MUC13: variants seen among roughly 807,000 people sequenced by gnomAD.
MUC13 encodes the protein mucin 13, cell surface associated.
MUC13 carries 32 observed loss-of-function variants against 48.3 expected under a neutral mutation model. The observed-to-expected ratio is 0.66, with a 90% CI of 0.50 to 0.89. The LOEUF (loss-of-function observed/expected upper bound fraction) is 0.89. Ranked by LOEUF, MUC13 falls within the 40% of genes least tolerant of loss-of-function variation. The probability of loss-of-function intolerance (pLI) is 0.00; values close to 1 mark genes in which losing one functional copy is unlikely to be tolerated. For missense variants in MUC13, 571 were observed against 622.8 expected (o/e 0.92, Z 0.88); for synonymous variants, 199 against 224.9 (o/e 0.88, Z 1.03).
At chr3:124,908,561 A>G (rs1475580769) in intron 10 of MUC13, among the ~76,000 whole-genome samples, 1 of 152,210 alleles carries the variant, frequency 6.6e-6, no homozygotes, top group Non-Finnish European at 1.5e-5. Flanking sequence ...AAGTTGCATA[A>G]CCAAAGAACA....
At chr3:124,924,346 T>C (rs1365889709) in intron 2 of MUC13, among the ~76,000 whole-genome samples, 1 of 152,222 alleles carries the variant, frequency 6.6e-6, no homozygotes, top group Non-Finnish European at 1.5e-5. Context: ...TTTCTTTCTC[T>C]GGGGAACTGA....
chr3:124,909,709 A>G (rs939939687), intron 10 of MUC13, among the ~76,000 whole-genome samples: 1 of 152,072 alleles, frequency 6.6e-6, no homozygotes. Flanking sequence ...AAAAAACAAC[A>G]ACCCAGGGGG....
At chr3:124,921,266 C>T (rs1935589667) in intron 4 of MUC13, among the ~76,000 whole-genome samples, 1 of 152,046 alleles carries the variant, frequency 6.6e-6, no homozygotes, top group South Asian at 2.1e-4. Context: ...TCTCCTGCCT[C>T]AGCCTCCTGA....
intron 1 of MUC13, among the ~76,000 whole-genome samples, chr3:124,931,130 G>A (rs1935787003): frequency 6.6e-6 from 1 of 152,154 alleles, no homozygotes; most frequent in Non-Finnish European, 1.5e-5. Flanking sequence ...ACATTAAAAA[G>A]CAACTTTTTA....
Position 124,931,764 on chromosome 3 carries a change from G to A in MUC13, c.52+2897C>T, listed in dbSNP as rs187891492. On this transcript the variant is annotated intron_variant, in intron 1 of 11. Coordinates refer to ENST00000616727, the MANE Select transcript of MUC13 (RefSeq NM_033049.4). ...ACTCCATCTCAAAAAGTAATATAAGGCCAGGCGCGGTGGCTCACGCCTGTA... is the reference window on the plus strand; with the variant it reads ...ACTCCATCTCAAAAAGTAATATAAGACCAGGCGCGGTGGCTCACGCCTGTA... 2.1e-5 allele frequency among the ~76,000 whole-genome samples: 3 copies of A among 144,932 alleles called. No homozygotes were observed. The East Asian group carries it at 6.3e-4, about 30-fold the overall frequency.
rs1470032302 is a variant in MUC13 at position 124,916,422 on chromosome 3, T to C, written c.859A>G (p.Ile287Val). 1 of 1,613,890 alleles carries C rather than the reference T, an allele frequency of 6.2e-7. No individual in the cohort carries two copies. Among genetic ancestry groups the C allele is most frequent in the African/African-American group, 1.3e-5 (1 of 75,062 alleles). The change falls in exon 6 of 12, where the codon ATA (isoleucine) becomes GTA (valine). Residue 287 changes from isoleucine (I) to valine (V), a missense_variant. Transcript: ENST00000616727. ...RADDKFVNVT[I>V]VTILAETTSD... ...GTGGTTTCTGCCAAAATTGTTACTA[T>C]TGTTACATTAACAAACTTGTCATCA...
chr3:124,921,609 G>A (rs991308836), intron 4 of MUC13, among the ~76,000 whole-genome samples: 1 of 152,150 alleles, frequency 6.6e-6, no homozygotes, highest in African/African-American at 2.4e-5. Context: ...GCTCACATGT[G>A]TGCACTTGCT....
intron 4 of MUC13, among the ~76,000 whole-genome samples, chr3:124,920,977 C>T (rs564125676): frequency 9.2e-5 from 14 of 152,332 alleles, no homozygotes; most frequent in Non-Finnish European, 4.4e-5. Flanking sequence ...AGCGTTGTCA[C>T]GTACTGGCTG....
At chr3:124,917,162 C>T (rs766116841) in intron 5 of MUC13, among the ~76,000 whole-genome samples, 138 of 152,142 alleles carry the variant, frequency 9.1e-4, no homozygotes, top group Non-Finnish European at 2.6e-4. Context: ...CACTGCAGTT[C>T]GGAGCCCTAA....
At chr3:124,931,418 G>A (rs1414420990) in intron 1 of MUC13, among the ~76,000 whole-genome samples, 11 of 132,298 alleles carry the variant, frequency 8.3e-5, no homozygotes, top group African/African-American at 2.6e-4. Context: ...GCAACAGAGC[G>A]AGACTCTGTC....
intron 11 of MUC13, 124 bp downstream of exon 11, chr3:124,908,023 T>G: frequency 3.3e-6 from 3 of 910,098 alleles, no homozygotes; most frequent in Non-Finnish European, 4.9e-6. Context: ...TCTCTCTCTT[T>G]CAATTAAGAA....
intron 10 of MUC13, 136 bp from the exon 11 acceptor site, chr3:124,908,484 T>C: frequency 1.3e-6 from 1 of 743,856 alleles, no homozygotes; most frequent in Non-Finnish European, 2.1e-6. Flanking sequence ...ATACATATAT[T>C]ACGGCGTTCT....
chr3:124,910,455 CAA>C lies in MUC13; in HGVS notation c.1295_1296del (p.Ile432SerfsTer17), dbSNP rs775036466. ...AATGCAATTATCATGCTGAGAATGA[CAA>C]TGCCAGCGATGGTGCCCACAATAGT... ...ILTIVGTIAG[I>X]VILSMIIALI... On this transcript the variant is annotated frameshift_variant, in exon 10 of 12. Transcript: ENST00000616727. LOFTEE classifies it high-confidence loss of function. 1.2e-6 allele frequency: 2 copies of C among 1,614,068 alleles called. No individual in the cohort carries two copies. Among genetic ancestry groups the C allele is most frequent in the Non-Finnish European group, 8.5e-7 (1 of 1,179,972 alleles).
chr3:124,918,943 C>T (rs1935548872), intron 5 of MUC13, among the ~76,000 whole-genome samples: 1 of 152,222 alleles, frequency 6.6e-6, no homozygotes, highest in African/African-American at 2.4e-5. Context: ...ACTTGCCCTT[C>T]ATTCAAGACC....
chr3:124,910,464 C>T lies in MUC13; in HGVS notation c.1288G>A (p.Ala430Thr), dbSNP rs142060793. The T allele has an allele frequency of 1.2e-5, 20 of 1,613,954 alleles. No homozygotes were observed. The Admixed American group carries it at 1.5e-4, about 12-fold the overall frequency. ...ATCATGCTGAGAATGACAATGCCAG[C>T]GATGGTGCCCACAATAGTGAGGATC... ...QLILTIVGTI[A>T]GIVILSMIIA... The change falls in exon 10 of 12, where the codon GCT becomes ACT. Residue 430 changes from alanine (A) to threonine (T), a missense_variant. Coordinates refer to ENST00000616727, the MANE Select transcript of MUC13 (RefSeq NM_033049.4).
At chr3:124,929,977 G>T (rs1579372470) in intron 1 of MUC13, among the ~76,000 whole-genome samples, 1 of 152,236 alleles carries the variant, frequency 6.6e-6, no homozygotes, top group African/African-American at 2.4e-5. Flanking sequence ...TATCATCGGA[G>T]TAGCAGTGAG....
At position 124,916,476 on chromosome 3, in the gene MUC13, A is replaced by C. The variant is rs147197068; in HGVS notation, c.805T>G (p.Ser269Ala). ...CGCATTTCAGATCTTGGTGACAGAG[A>C]TGTGCTAAAAATGAGATGAATCTGT... is the stretch of plus-strand genomic sequence containing the variant. ...GQTVILTVSTSLSPRSEMRAD... is the reference protein window; with the variant it reads ...GQTVILTVSTALSPRSEMRAD... The change falls in exon 6 of 12, where the codon TCT (serine) becomes GCT (alanine). Residue 269 changes from serine (S) to alanine (A), a missense_variant. By Grantham distance (99) the Ser-to-Ala change is moderately conservative. Transcript: ENST00000616727. 1 of 1,609,328 alleles carries C rather than the reference A, an allele frequency of 6.2e-7. No individual in the cohort carries two copies. The highest frequency in any genetic ancestry group is 8.5e-7 in the Non-Finnish European group (1 of 1,177,556).
intron 10 of MUC13, among the ~76,000 whole-genome samples, chr3:124,909,090 G>T (rs1354192279): frequency 6.6e-6 from 1 of 151,958 alleles, no homozygotes; most frequent in African/African-American, 2.4e-5. Context: ...GGAGGTGGAG[G>T]TTGCAGCGAG....
chr3:124,910,710 G>A (rs1935406761), intron 9 of MUC13, among the ~76,000 whole-genome samples: 1 of 152,168 alleles, frequency 6.6e-6, no homozygotes, highest in Admixed American at 6.5e-5. Context: ...CAATTGGAAA[G>A]GGCAGCCCTG....
Sources: gnomAD v4.1 joint callset for allele counts (sites outside exome capture counted in the v4.1 genomes callset) on GRCh38, gnomAD v4.1.1 for gene constraint, MANE v1.5 for transcripts, NCBI Gene and HGNC (gene_info 2026-07-23, HGNC 2026-07-21) for gene names.